The following BMERB1 variants were observed in gnomAD, a reference collection of about 807,000 sequenced individuals.
BMERB1 encodes bMERB domain-containing protein 1.
Under a neutral mutation model 23.6 loss-of-function variants are expected in BMERB1, and 12 were observed. The ratio of observed to expected loss-of-function variants is 0.51; its 90% CI spans 0.33 to 0.82. The LOEUF (loss-of-function observed/expected upper bound fraction) is 0.82. Among genes scored for constraint, BMERB1 ranks in the 40% least tolerant of loss-of-function variants. The probability of loss-of-function intolerance (pLI) is 0.03; values close to 1 mark genes in which losing one functional copy is unlikely to be tolerated. For missense variants in BMERB1, 247 were observed against 255.4 expected, an observed-to-expected ratio of 0.97 and a Z score of 0.22; for synonymous variants, 122 against 96.6, an observed-to-expected ratio of 1.26 and a Z score of -1.54.
chr16:15,578,745 T>G (rs928579978), intron 3 of BMERB1, among the ~76,000 whole-genome samples: 1 of 152,164 alleles, frequency 6.6e-6, no homozygotes, highest in Admixed American at 6.5e-5. Flanking sequence ...ACAAGCTCCC[T>G]TGGGTCTCTT....
intron 1 of BMERB1, among the ~76,000 whole-genome samples, chr16:15,453,459 C>G (rs2051058952): frequency 6.6e-6 from 1 of 151,922 alleles, no homozygotes; most frequent in Admixed American, 6.6e-5. Context: ...ACCTCTAATT[C>G]TATTATTAGC....
intron 1 of BMERB1, among the ~76,000 whole-genome samples, chr16:15,511,577 A>C (rs2051665927): frequency 6.6e-6 from 1 of 152,178 alleles, no homozygotes; most frequent in African/African-American, 2.4e-5. Flanking sequence ...AATATAAAAG[A>C]AGCACACATT....
intron 3 of BMERB1, among the ~76,000 whole-genome samples, chr16:15,568,865 T>A (rs986206156): frequency 6.6e-6 from 1 of 152,024 alleles, no homozygotes; most frequent in Non-Finnish European, 1.5e-5. Flanking sequence ...CTCCAAAAAA[T>A]TTTCCCCTGC....
At chr16:15,495,459 G>A (rs896284957) in intron 1 of BMERB1, among the ~76,000 whole-genome samples, 5 of 152,182 alleles carry the variant, frequency 3.3e-5, no homozygotes, top group East Asian at 1.9e-4. Flanking sequence ...TCCGCCTCCC[G>A]GGTTCACACC....
At chr16:15,457,256 A>G (rs144251096) in intron 1 of BMERB1, among the ~76,000 whole-genome samples, 35 of 152,356 alleles carry the variant, frequency 2.3e-4, no homozygotes, top group Non-Finnish European at 4.0e-4. Context: ...AAACTAATTA[A>G]CTTGAGGAAG....
intron 2 of BMERB1, among the ~76,000 whole-genome samples, chr16:15,557,864 G>A (rs1435804428): frequency 6.6e-6 from 1 of 152,168 alleles, no homozygotes; most frequent in Non-Finnish European, 1.5e-5. Context: ...GGCCAAGATG[G>A]TGAAACTCCA....
At chr16:15,562,703 C>G (rs982485921) in intron 2 of BMERB1, among the ~76,000 whole-genome samples, 16 of 152,130 alleles carry the variant, frequency 1.1e-4, no homozygotes, top group African/African-American at 3.9e-4. Flanking sequence ...CAGGCATTGC[C>G]AAATGTTCCT....
chr16:15,500,550 G>C (rs1044381810), intron 1 of BMERB1, among the ~76,000 whole-genome samples: 1 of 152,140 alleles, frequency 6.6e-6, no homozygotes, highest in Admixed American at 6.5e-5. Flanking sequence ...AGGTATCAGG[G>C]AGAAAAGAAA....
At chr16:15,463,798 A>G (rs968078623) in intron 1 of BMERB1, among the ~76,000 whole-genome samples, 2 of 151,708 alleles carry the variant, frequency 1.3e-5, no homozygotes, top group Non-Finnish European at 2.9e-5. Context: ...TGTGCCATCC[A>G]TTGGAACCTG....
intron 2 of BMERB1, among the ~76,000 whole-genome samples, chr16:15,563,891 T>G (rs1413189370): frequency 2.0e-5 from 3 of 152,150 alleles, no homozygotes; most frequent in Non-Finnish European, 4.4e-5. Context: ...TAGGCCCCAG[T>G]GGGAGGTGTT....
rs528828210 is a variant in BMERB1 at position 15,464,312 on chromosome 16, TAAAAAAAA to T, written c.106+29566_106+29573del. On this transcript the variant is annotated intron_variant, in intron 1 of 5. Transcript: ENST00000300006. ...TGGGCGACAGAGTGAGACTTCATCTTAAAAAAAAAAAAAAAAAAAAGGATTCCAAAGAA... is the reference window on the plus strand; with the variant it reads ...TGGGCGACAGAGTGAGACTTCATCTTAAAAAAAAAAAAGGATTCCAAAGAA... Among the ~76,000 whole-genome samples the T allele has an allele frequency of 3.8e-5, 4 of 103,996 alleles. No homozygotes were observed. In the South Asian group the frequency reaches 9.2e-4, roughly 24 times the overall value. The allele number at this position is 103,996 out of a possible 152,430, so 68.2% of individuals were successfully genotyped here. A position where few individuals can be genotyped will look rare whatever the true frequency, so the allele number is the denominator to read the frequency against.
intron 2 of BMERB1, 107 bp downstream of exon 2, chr16:15,515,535 T>C: frequency 7.1e-7 from 1 of 1,405,288 alleles, no homozygotes; most frequent in Non-Finnish European, 9.3e-7. Flanking sequence ...ATAAAGGCAT[T>C]ATGCACGTTT....
rs2052014750 is a variant in BMERB1, at chr16:15,535,335, A to AGT, written c.230+19909_230+19910dup. On this transcript the variant is annotated intron_variant, in intron 2 of 5. Coordinates refer to ENST00000300006, the MANE Select transcript of BMERB1 (RefSeq NM_033201.3). ...CACTGCACTCCAGTCTGGGCAACAG[A>AGT]GTGAGACTCTGTCTCAAAAAGAAGA... is the stretch of plus-strand genomic sequence containing the variant. Among the ~76,000 whole-genome samples, 4 of 152,068 alleles carry AGT rather than the reference A, an allele frequency of 2.6e-5. No individual in the cohort carries two copies. The South Asian group carries it at 8.3e-4, about 32-fold the overall frequency.
chr16:15,506,216 C>T (rs2051589579), intron 1 of BMERB1, among the ~76,000 whole-genome samples: 1 of 151,812 alleles, frequency 6.6e-6, no homozygotes, highest in Non-Finnish European at 1.5e-5. Context: ...TGCTCTGTCA[C>T]CCAGGCTGGA....
chr16:15,558,192 G>C (rs923089620), intron 2 of BMERB1, among the ~76,000 whole-genome samples: 1 of 152,094 alleles, frequency 6.6e-6, no homozygotes, highest in African/African-American at 2.4e-5. Context: ...TTCTGCCCAT[G>C]GGTAGTAAGC....
chr16:15,559,711 T>C (rs949890044), intron 2 of BMERB1, among the ~76,000 whole-genome samples: 9 of 152,202 alleles, frequency 5.9e-5, no homozygotes, highest in Middle Eastern at 3.2e-3. Flanking sequence ...CACCTAACCC[T>C]GATGGACAGC....
At chr16:15,478,269 C>G (rs1462828015) in intron 1 of BMERB1, among the ~76,000 whole-genome samples, 1 of 152,148 alleles carries the variant, frequency 6.6e-6, no homozygotes, top group East Asian at 1.9e-4. Context: ...AAGCGATTCT[C>G]CTGCCTCAGC....
intron 5 of BMERB1, among the ~76,000 whole-genome samples, chr16:15,583,596 AAAG>A (rs1240773086): frequency 7.2e-5 from 11 of 151,754 alleles, no homozygotes; most frequent in Admixed American, 3.9e-4. Flanking sequence ...AAAAAAAAAA[AAAG>A]GCCATTTCAG....
At chr16:15,503,447 A>ATTTTTTTTTTTT in intron 1 of BMERB1, among the ~76,000 whole-genome samples, 1 of 133,322 alleles carries the variant, frequency 7.5e-6, no homozygotes, top group Non-Finnish European at 1.6e-5. Context: ...ACGCCCGGCT[A>ATTTTTTTTTTTT]TTTTTTTTTT....
Sources: gnomAD v4.1 joint callset for allele counts (sites outside exome capture counted in the v4.1 genomes callset) on GRCh38, gnomAD v4.1.1 for gene constraint, MANE v1.5 for transcripts, NCBI Gene and HGNC (gene_info 2026-07-23, HGNC 2026-07-21) for gene names.